CRACD: variants seen among roughly 807,000 people sequenced by gnomAD.
The protein encoded by CRACD is capping protein-inhibiting regulator of actin dynamics.
Under a neutral mutation model 106.8 loss-of-function variants are expected in CRACD, and 56 were observed. That is an observed-to-expected ratio of 0.52 (90% CI 0.42 to 0.66). The LOEUF (loss-of-function observed/expected upper bound fraction) is 0.66. Among genes scored for constraint, CRACD ranks in the 30% least tolerant of loss-of-function variants. CRACD has a pLI of 0.00. For synonymous variants in CRACD, 754 were observed against 670.8 expected (o/e 1.12, Z -1.92); for missense variants, 1,730 against 1,623.2 (o/e 1.07, Z -1.13).
chr4:56,079,659 G>A (rs1472538625), intron 1 of CRACD, among the ~76,000 whole-genome samples: 4 of 151,014 alleles, frequency 2.6e-5, no homozygotes, highest in South Asian at 2.1e-4. Flanking sequence ...TGACCAAGCT[G>A]GTCTTGAACT....
intron 1 of CRACD, among the ~76,000 whole-genome samples, chr4:56,065,928 G>A (rs930223942): frequency 2.0e-5 from 3 of 152,020 alleles, no homozygotes; most frequent in Non-Finnish European, 4.4e-5. Context: ...ATGTAAATGG[G>A]GTCATTCAAT....
chr4:56,310,735 G>A lies in CRACD; in HGVS notation c.354+1G>A. On this transcript the variant is annotated splice_donor_variant, in intron 6 of 10. Coordinates refer to ENST00000682029, the MANE Select transcript of CRACD (RefSeq NM_001393381.1). LOFTEE classifies it high-confidence loss of function. ...AGCTGGAAGTGAGATGGAAGAGAAG[G>A]TAATATGATTTGAACTTATTTATTT... is the stretch of plus-strand genomic sequence containing the variant. 2 of 1,595,952 alleles carry A rather than the reference G, an allele frequency of 1.3e-6. No individual in the cohort carries two copies. The highest frequency in any genetic ancestry group is 1.7e-6 in the Non-Finnish European group (2 of 1,163,922).
intron 1 of CRACD, among the ~76,000 whole-genome samples, chr4:56,058,531 C>T (rs962680531): frequency 3.9e-5 from 6 of 152,318 alleles, no homozygotes; most frequent in African/African-American, 9.6e-5. Flanking sequence ...ATGCTCCTGA[C>T]GTTCCAGTCT....
intron 4 of CRACD, among the ~76,000 whole-genome samples, chr4:56,302,304 G>T (rs1270299833): frequency 6.6e-6 from 1 of 152,216 alleles, no homozygotes; most frequent in East Asian, 1.9e-4. Context: ...ATCAGGGAGG[G>T]TGCCTGTTTG....
Position 56,316,579 on chromosome 4 carries a change from G to A in CRACD, c.3077G>A (p.Gly1026Glu). The part of the protein sequence containing the change: ...PSPPGPEERK[G>E]QKRDEEEEAT... ...CCCCCAGGCCCCGAGGAAAGGAAGGGACAGAAGAGGGACGAGGAGGAAGAG... is the reference window on the plus strand; with the variant it reads ...CCCCCAGGCCCCGAGGAAAGGAAGGAACAGAAGAGGGACGAGGAGGAAGAG... The change falls in exon 8 of 11, where the codon GGA (glycine) becomes GAA (glutamate). Residue 1026 changes from glycine (G) to glutamate (E), a missense_variant. Around this residue, in one of 5 missense-constraint regions of CRACD, gnomAD observed 1,620 missense variants for 1,481.6 expected, o/e 1.09. Coordinates refer to ENST00000682029, the MANE Select transcript of CRACD (RefSeq NM_001393381.1). 1 of 1,613,468 alleles carries A rather than the reference G, an allele frequency of 6.2e-7. No individual in the cohort carries two copies. Among genetic ancestry groups the A allele is most frequent in the Non-Finnish European group, 8.5e-7 (1 of 1,179,724 alleles).
intron 1 of CRACD, among the ~76,000 whole-genome samples, chr4:56,078,010 T>A (rs1732899639): frequency 6.6e-6 from 1 of 152,212 alleles, no homozygotes; most frequent in Admixed American, 6.5e-5. Flanking sequence ...GAAAAGATCT[T>A]GTCTCACAAT....
intron 1 of CRACD, among the ~76,000 whole-genome samples, chr4:56,132,910 T>C (rs1328542887): frequency 1.3e-5 from 2 of 152,244 alleles, no homozygotes; most frequent in Non-Finnish European, 2.9e-5. Context: ...CATATAGTGC[T>C]ACTTAGCTAT....
chr4:56,277,938 A>G (rs1017044322), intron 3 of CRACD, among the ~76,000 whole-genome samples: 11 of 152,248 alleles, frequency 7.2e-5, no homozygotes, highest in Non-Finnish European at 1.5e-4. Flanking sequence ...CGACTTAGGA[A>G]TAAGTTTAAC....
At chr4:56,309,186 G>A in intron 5 of CRACD, 1 of 356,060 alleles carries the variant, frequency 2.8e-6, no homozygotes, top group South Asian at 2.1e-5. Flanking sequence ...CAAGGGGAGG[G>A]TAGAGAGAGG....
chr4:56,075,484 T>G (rs1380466179), intron 1 of CRACD, among the ~76,000 whole-genome samples: 2 of 152,212 alleles, frequency 1.3e-5, no homozygotes, highest in African/African-American at 2.4e-5. Flanking sequence ...TAGAGGTGTT[T>G]ATAGTATTCT....
intron 2 of CRACD, among the ~76,000 whole-genome samples, chr4:56,243,147 C>T (rs964267934): frequency 6.6e-6 from 1 of 152,162 alleles, no homozygotes; most frequent in Non-Finnish European, 1.5e-5. Context: ...TGGGCTGTGT[C>T]CACCAGCTAA....
chr4:56,295,583 G>A (rs1160374527), intron 3 of CRACD, among the ~76,000 whole-genome samples: 1 of 149,690 alleles, frequency 6.7e-6, no homozygotes, highest in African/African-American at 2.5e-5. Flanking sequence ...ACGCAGTCAA[G>A]GTTGACTTAG....
intron 3 of CRACD, among the ~76,000 whole-genome samples, chr4:56,283,413 C>T (rs1401757265): frequency 6.6e-6 from 1 of 152,202 alleles, no homozygotes; most frequent in Non-Finnish European, 1.5e-5. Flanking sequence ...CTGAAAGCTC[C>T]TTCCCTTTTA....
intron 1 of CRACD, among the ~76,000 whole-genome samples, chr4:56,128,317 A>G (rs996686461): frequency 6.6e-6 from 1 of 152,226 alleles, no homozygotes; most frequent in African/African-American, 2.4e-5. Flanking sequence ...TCTGCAAAGC[A>G]TGACTTAAAG....
At chr4:56,255,833 G>T (rs1741323722) in intron 2 of CRACD, among the ~76,000 whole-genome samples, 1 of 152,226 alleles carries the variant, frequency 6.6e-6, no homozygotes, top group African/African-American at 2.4e-5. Context: ...TCTCATTTGT[G>T]TGTGTTACTT....
intron 1 of CRACD, among the ~76,000 whole-genome samples, chr4:56,138,248 G>C (rs1735072772): frequency 6.6e-6 from 1 of 152,140 alleles, no homozygotes; most frequent in Non-Finnish European, 1.5e-5. Flanking sequence ...TGGATTGCTT[G>C]AGGCCAGGAG....
chr4:56,176,362 G>A (rs368932789), intron 1 of CRACD, among the ~76,000 whole-genome samples: 157 of 151,382 alleles, frequency 1.0e-3, no homozygotes, highest in Non-Finnish European at 1.9e-3. Context: ...TATAGATCAC[G>A]TTAAGTAGTA....
In CRACD at chr4:56,225,142, G is replaced by GC. The variant is rs1369680984; in HGVS notation, c.-189+45713dup. ...CTTGCTCTCTTGCCCAGGCTGGAGT[G>GC]CAGTGGCACGATCTTGGCTTACTGC... is the stretch of plus-strand genomic sequence containing the variant. On this transcript the variant is annotated intron_variant, in intron 2 of 10. Coordinates refer to ENST00000682029, the MANE Select transcript of CRACD (RefSeq NM_001393381.1). 2.4e-4 allele frequency among the ~76,000 whole-genome samples: 36 copies of GC among 152,324 alleles called. No homozygotes were observed. The East Asian group carries it at 6.6e-3, about 28-fold the overall frequency.
chr4:56,213,913 A>G (rs1402051733), intron 2 of CRACD, among the ~76,000 whole-genome samples: 1 of 152,248 alleles, frequency 6.6e-6, no homozygotes, highest in Non-Finnish European at 1.5e-5. Flanking sequence ...ACCAACTGAA[A>G]TACGTTTTTA....
Sources: gnomAD v4.1 joint callset for allele counts (sites outside exome capture counted in the v4.1 genomes callset) on GRCh38, gnomAD v4.1.1 for gene constraint, gnomAD v4.1.1 regional missense constraint, MANE v1.5 for transcripts, NCBI Gene and HGNC (gene_info 2026-07-23, HGNC 2026-07-21) for gene names.